The following GSE1 variants were observed in gnomAD, a reference collection of about 807,000 sequenced individuals.
GSE1 encodes genetic suppressor element 1.
GSE1 carries 32 observed loss-of-function variants against 112.6 expected under a neutral mutation model. The observed-to-expected ratio is 0.28, with a 90% CI of 0.21 to 0.38. The LOEUF (loss-of-function observed/expected upper bound fraction) is 0.38. Ranked by LOEUF, GSE1 falls within the 10% of genes least tolerant of loss-of-function variation. The probability of loss-of-function intolerance (pLI) is 1.00; values close to 1 mark genes in which losing one functional copy is unlikely to be tolerated. For missense variants in GSE1, 2,348 were observed against 1,699.2 expected (o/e 1.38, Z -6.71); for synonymous variants, 1,115 against 735.6 (o/e 1.52, Z -8.35).
intron 2 of GSE1, among the ~76,000 whole-genome samples, chr16:85,640,971 C>G (rs1161960628): frequency 6.6e-6 from 1 of 152,248 alleles, no homozygotes; most frequent in African/African-American, 2.4e-5. Context: ...GAGGACCCCA[C>G]CACCTATCCC....
intron 1 of GSE1, among the ~76,000 whole-genome samples, chr16:85,317,784 C>T (rs946141146): frequency 6.6e-6 from 1 of 152,192 alleles, no homozygotes; most frequent in African/African-American, 2.4e-5. Context: ...TCCAGCACTC[C>T]CCTCCTAAGT....
intron 5 of GSE1, among the ~76,000 whole-genome samples, 179 bp downstream of exon 5, chr16:85,655,170 GGT>G (rs2051812414): frequency 6.6e-6 from 1 of 152,148 alleles, no homozygotes; most frequent in African/African-American, 2.4e-5. Context: ...GCCCATTAGG[GGT>G]CCCCTCCTGG....
chr16:85,365,427 A>G (rs2047166475), intron 2 of GSE1, among the ~76,000 whole-genome samples: 1 of 152,188 alleles, frequency 6.6e-6, no homozygotes, highest in Non-Finnish European at 1.5e-5. Context: ...CAGCTGGTTC[A>G]CCTGGCTCCT....
intron 2 of GSE1, among the ~76,000 whole-genome samples, chr16:85,532,216 A>G (rs2044160987): frequency 6.6e-6 from 1 of 152,206 alleles, no homozygotes; most frequent in South Asian, 2.1e-4. Flanking sequence ...TGAGGCACGT[A>G]GGAGTATGCC....
chr16:85,454,036 G>C (rs2049757761), intron 2 of GSE1, among the ~76,000 whole-genome samples: 1 of 152,208 alleles, frequency 6.6e-6, no homozygotes, highest in Non-Finnish European at 1.5e-5. Context: ...CGGGCATCCA[G>C]CTTCAGCCCA....
chr16:85,555,065 G>A (rs2045131945), upstream of GSE1: 1 of 985,290 alleles, frequency 1.0e-6, no homozygotes, highest in African/African-American at 1.7e-5. Context: ...GCCCTGCGAA[G>A]CATGGAGCTG....
intron 1 of GSE1, among the ~76,000 whole-genome samples, chr16:85,228,839 C>T (rs1172796591): frequency 6.6e-6 from 1 of 152,238 alleles, no homozygotes; most frequent in Non-Finnish European, 1.5e-5. Context: ...TTGAGGCCAC[C>T]TTCTGCCTCA....
chr16:85,361,199 A>C (rs568585907), intron 2 of GSE1, among the ~76,000 whole-genome samples: 98 of 114,428 alleles, frequency 8.6e-4, no homozygotes, highest in African/African-American at 2.9e-3. Flanking sequence ...CAGACCCCCC[A>C]CACACAAACA....
At chr16:85,246,170 T>C (rs935781669) in intron 1 of GSE1, among the ~76,000 whole-genome samples, 1 of 144,974 alleles carries the variant, frequency 6.9e-6, no homozygotes, top group Non-Finnish European at 1.5e-5. Context: ...GTGGAGGCCC[T>C]ACTGCAGGAT....
At chr16:85,291,210 T>C (rs1233070088) in intron 1 of GSE1, among the ~76,000 whole-genome samples, 1 of 152,196 alleles carries the variant, frequency 6.6e-6, no homozygotes, top group Non-Finnish European at 1.5e-5. Context: ...GACACCAGGC[T>C]GCAGATCCAA....
intron 2 of GSE1, among the ~76,000 whole-genome samples, chr16:85,464,652 G>A (rs1004475076): frequency 2.0e-5 from 3 of 152,352 alleles, no homozygotes; most frequent in South Asian, 4.1e-4. Context: ...TCTCCCGGGC[G>A]GAGGGTATAC....
Position 85,268,478 on chromosome 16 carries a change from C to T in GSE1, c.2284-88985C>T, listed in dbSNP as rs534809490. Among the ~76,000 whole-genome samples the T allele has an allele frequency of 1.2e-4, 19 of 152,288 alleles. No homozygotes were observed. In the South Asian group the frequency reaches 3.1e-3, roughly 25 times the overall value. On this transcript the variant is annotated intron_variant, in intron 1 of 2. Transcript: ENST00000637419. ...TGGGTCCTAGTTTGCTATCACTCTT[C>T]TATGAGTGGGGAGGGGGGTTGCCAG...
intron 1 of GSE1, among the ~76,000 whole-genome samples, chr16:85,316,369 A>T (rs1179872251): frequency 6.6e-6 from 1 of 152,186 alleles, no homozygotes; most frequent in South Asian, 2.1e-4. Context: ...TGCTTATAGC[A>T]CGTCTCAATC....
intron 2 of GSE1, among the ~76,000 whole-genome samples, chr16:85,517,650 G>A (rs564819964): frequency 7.8e-4 from 118 of 152,134 alleles, no homozygotes; most frequent in African/African-American, 2.6e-3. Flanking sequence ...CTCCAGCCCC[G>A]GCAGCCTTTT....
intron 2 of GSE1, among the ~76,000 whole-genome samples, chr16:85,512,600 G>A (rs932905956): frequency 1.3e-5 from 2 of 152,144 alleles, no homozygotes; most frequent in Non-Finnish European, 2.9e-5. Context: ...CTGATTGATT[G>A]CTTTTCATCT....
At chr16:85,452,161 T>C (rs1011948755) in intron 2 of GSE1, among the ~76,000 whole-genome samples, 1 of 152,242 alleles carries the variant, frequency 6.6e-6, no homozygotes, top group Admixed American at 6.5e-5. Flanking sequence ...TGAAGCCGTT[T>C]GCCACCCTGG....
rs146964897 is a variant in GSE1, at chr16:85,564,687, A to G, written c.37+8324A>G. Among the ~76,000 whole-genome samples, 379 of 152,310 alleles carry G rather than the reference A, an allele frequency of 2.5e-3. 2 individuals carry two copies. The highest frequency in any genetic ancestry group is 7.9e-3 in the South Asian group (38 of 4,826). ...AGCCTGTGCGTCCTTCAGAGGCACC[A>G]TGGGGACCAGAGGGTGTCCGGCAGC... On this transcript the variant is annotated intron_variant, in intron 1 of 2. Coordinates refer to the GSE1 transcript ENST00000635906.
chr16:85,181,758 A>C (rs981860154), intron 1 of GSE1, among the ~76,000 whole-genome samples: 1 of 152,158 alleles, frequency 6.6e-6, no homozygotes, highest in Non-Finnish European at 1.5e-5. Flanking sequence ...AGGACTGGCC[A>C]TGGGGCTGGG....
chr16:85,429,492 C>T (rs79557341), intron 2 of GSE1, among the ~76,000 whole-genome samples: 1,868 of 152,304 alleles, frequency 0.012, 22 homozygotes, highest in Non-Finnish European at 0.022. Context: ...GCTAGTGAGG[C>T]GTCATCATGT....
Sources: gnomAD v4.1 joint callset for allele counts (sites outside exome capture counted in the v4.1 genomes callset) on GRCh38, gnomAD v4.1.1 for gene constraint, MANE v1.5 for transcripts, NCBI Gene and HGNC (gene_info 2026-07-23, HGNC 2026-07-21) for gene names.